Variants in DSCAML1 observed in about 807,000 individuals in gnomAD.
DSCAML1 encodes the protein cell adhesion molecule DSCAML1.
In DSCAML1, 38 loss-of-function variants were observed where a neutral mutation model predicts 200.5. The ratio of observed to expected loss-of-function variants is 0.19; its 90% CI spans 0.15 to 0.25. The LOEUF (loss-of-function observed/expected upper bound fraction) is 0.25. DSCAML1 is among the 10% of genes least tolerant of loss of function. The pLI is 1.00. For synonymous variants in DSCAML1, 1,215 were observed against 1,165.0 expected (o/e 1.04, Z -0.87); for missense variants, 2,223 against 2,858.8 (o/e 0.78, Z 5.07).
At chr11:117,602,757 C>T (rs891009017) in intron 3 of DSCAML1, among the ~76,000 whole-genome samples, 8 of 152,114 alleles carry the variant, frequency 5.3e-5, no homozygotes, top group East Asian at 1.9e-4. Flanking sequence ...CAGCCCCTCC[C>T]GTTGAATCAC....
In DSCAML1 at chr11:117,695,249, T is replaced by C. The variant is rs1376532637; in HGVS notation, c.511+81542A>G. Among the ~76,000 whole-genome samples the C allele has an allele frequency of 4.6e-5, 7 of 152,184 alleles. No individual in the cohort carries two copies. The East Asian group carries it at 1.4e-3, about 29-fold the overall frequency. On this transcript the variant is annotated intron_variant, in intron 3 of 32. Transcript: ENST00000651296. ...AGAAAGGCAAAGACATCACAGATGATGTTTTCCATGATCTCTGTCCTAAAT... is the reference window on the plus strand; with the variant it reads ...AGAAAGGCAAAGACATCACAGATGACGTTTTCCATGATCTCTGTCCTAAAT...
chr11:117,487,827 G>T (rs1431839749), intron 11 of DSCAML1, among the ~76,000 whole-genome samples: 1 of 152,164 alleles, frequency 6.6e-6, no homozygotes, highest in Admixed American at 6.5e-5. Flanking sequence ...GCCTAAGAAG[G>T]AATGTTCTAG....
At chr11:117,491,919 TGG>T (rs1210435394) in intron 11 of DSCAML1, among the ~76,000 whole-genome samples, 1 of 152,162 alleles carries the variant, frequency 6.6e-6, no homozygotes, top group Non-Finnish European at 1.5e-5. Flanking sequence ...AAGATTGGTC[TGG>T]GAGCCAGGGG....
At chr11:117,462,638 A>T (rs2048502985) in intron 17 of DSCAML1, among the ~76,000 whole-genome samples, 1 of 152,236 alleles carries the variant, frequency 6.6e-6, no homozygotes, top group South Asian at 2.1e-4. Flanking sequence ...GTTTCATATT[A>T]CTTAGGTGTA....
Position 117,439,910 on chromosome 11 carries a change from C to T in DSCAML1, c.3889G>A (p.Gly1297Ser). Residue 1297 changes from glycine (G) to serine (S), a missense_variant, in exon 22 of 33, where the codon GGC becomes AGC. Physicochemically the swap from Gly to Ser is moderately conservative, Grantham distance 56. Coordinates refer to ENST00000651296, the MANE Select transcript of DSCAML1 (RefSeq NM_020693.4). ...TTCATCCAAGGTGTTGTCACGGTGC[C>T]CCCAAAGGAGATGATCTTTGCTGGG... ...KAPAKIISFG[G>S]TVTTPWMKDV... 2 of 1,614,160 alleles carry T rather than the reference C, an allele frequency of 1.2e-6. No homozygotes were observed. Among genetic ancestry groups the T allele is most frequent in the Non-Finnish European group, 1.7e-6 (2 of 1,180,028 alleles).
intron 1 of DSCAML1, among the ~76,000 whole-genome samples, chr11:117,795,931 G>A (rs902509946): frequency 1.3e-5 from 2 of 152,238 alleles, no homozygotes; most frequent in Admixed American, 1.3e-4. Context: ...GCCCCGGGGC[G>A]AGAAGGAGAA....
At chr11:117,662,193 G>C (rs2052868894) in intron 3 of DSCAML1, among the ~76,000 whole-genome samples, 1 of 152,202 alleles carries the variant, frequency 6.6e-6, no homozygotes, top group South Asian at 2.1e-4. Context: ...ACACCCCAGG[G>C]GCAAGTGCCA....
At chr11:117,703,742 C>A (rs1474623581) in intron 3 of DSCAML1, among the ~76,000 whole-genome samples, 1 of 152,188 alleles carries the variant, frequency 6.6e-6, no homozygotes, top group Non-Finnish European at 1.5e-5. Flanking sequence ...GTGGGTGCCC[C>A]AAGGGCAGGG....
intron 3 of DSCAML1, among the ~76,000 whole-genome samples, chr11:117,630,494 G>A (rs1291587725): frequency 6.6e-6 from 1 of 151,962 alleles, no homozygotes; most frequent in Admixed American, 6.5e-5. Context: ...GGGAGGACCT[G>A]GCGGGCCTGT....
At chr11:117,468,548 C>T (rs775944988) in intron 16 of DSCAML1, among the ~76,000 whole-genome samples, 1 of 152,164 alleles carries the variant, frequency 6.6e-6, no homozygotes, top group Non-Finnish European at 1.5e-5. Context: ...GATACAGGTC[C>T]ACAGCCAGGA....
intron 3 of DSCAML1, among the ~76,000 whole-genome samples, chr11:117,643,964 G>A (rs1220134583): frequency 6.6e-6 from 1 of 152,246 alleles, no homozygotes. Flanking sequence ...GCCCATTTGA[G>A]GTAGGGGGCA....
At chr11:117,750,113 C>T (rs969587433) in intron 3 of DSCAML1, among the ~76,000 whole-genome samples, 1 of 152,176 alleles carries the variant, frequency 6.6e-6, no homozygotes, top group Admixed American at 6.5e-5. Context: ...GCAGTTCTCA[C>T]TCGGGAAATG....
chr11:117,651,711 CAAAAAAAAAA>C (rs1193144259), intron 3 of DSCAML1, among the ~76,000 whole-genome samples: 1,559 of 31,116 alleles, frequency 0.05, 55 homozygotes, highest in African/African-American at 0.12. Context: ...GACTCTGTCT[CAAAAAAAAAA>C]AAAAAAAAAA....
intron 1 of DSCAML1, among the ~76,000 whole-genome samples, chr11:117,803,178 G>A (rs2055677177): frequency 6.6e-6 from 1 of 151,916 alleles, no homozygotes; most frequent in Non-Finnish European, 1.5e-5. Flanking sequence ...TCACCGACTG[G>A]GCCAGCTCAC....
chr11:117,471,895 T>A lies in DSCAML1; in HGVS notation c.2927A>T (p.Glu976Val), dbSNP rs200208683. The A allele has an allele frequency of 1.9e-6, 3 of 1,612,436 alleles. No homozygotes were observed. The highest frequency in any genetic ancestry group is 2.5e-6 in the Non-Finnish European group (3 of 1,179,642). Residue 976 changes from glutamate (E) to valine (V), a missense_variant, in exon 15 of 33, where the codon GAG becomes GTG. Physicochemically the swap from Glu to Val is moderately radical, Grantham distance 121. Around this residue, in one of 7 missense-constraint regions of DSCAML1, gnomAD observed 438 missense variants for 629.7 expected, o/e 0.70. Coordinates refer to ENST00000651296, the MANE Select transcript of DSCAML1 (RefSeq NM_020693.4). ...NKIGRSEPSK[E>V]LTISTEEAAP... The stretch of plus-strand genomic sequence containing the variant: ...GGCCTCCTCAGTGCTGATGGTGAGC[T>A]CCTTGCTTGGTTCACTGCGGCCAAT...
Position 117,816,896 on chromosome 11 carries a change from C to T in DSCAML1, c.-250+494G>A, listed in dbSNP as rs568844430. 2.0e-5 allele frequency among the ~76,000 whole-genome samples: 3 copies of T among 152,210 alleles called. No homozygotes were observed. The South Asian group carries it at 6.2e-4, about 32-fold the overall frequency. ...CCCTCACCCTGGACAGGAGATCAGC[C>T]TGTAGGAGCTAGCGATCGGCCTGTC... is the stretch of plus-strand genomic sequence containing the variant. On this transcript the variant is annotated intron_variant, in intron 1 of 2. Transcript: ENST00000525836.
chr11:117,805,461 G>A (rs1407778811), intron 1 of DSCAML1, among the ~76,000 whole-genome samples: 2 of 152,218 alleles, frequency 1.3e-5, no homozygotes, highest in Non-Finnish European at 2.9e-5. Context: ...TAATAGGTAA[G>A]GTGCAAAAAC....
intron 3 of DSCAML1, among the ~76,000 whole-genome samples, chr11:117,644,246 G>A (rs2052474337): frequency 1.3e-5 from 2 of 152,238 alleles, no homozygotes; most frequent in African/African-American, 4.8e-5. Context: ...AGCCTCCTCC[G>A]AGGAAACAAG....
chr11:117,637,437 C>T (rs2137585531), intron 3 of DSCAML1, among the ~76,000 whole-genome samples: 1 of 151,896 alleles, frequency 6.6e-6, no homozygotes. Context: ...CCTCAGCCTC[C>T]TGGGTTCAAG....
Sources: allele counts gnomAD v4.1 joint callset (sites outside exome capture counted in the v4.1 genomes callset), GRCh38; gene constraint gnomAD v4.1.1; regional missense constraint gnomAD v4.1.1; transcripts MANE v1.5; gene names NCBI Gene and HGNC (gene_info 2026-07-23, HGNC 2026-07-21).